Variants in PRKG1 observed in about 807,000 individuals in gnomAD.
PRKG1 encodes the protein protein kinase cGMP-dependent 1, also known as cGMP-dependent protein kinase 1.
In PRKG1, 35 loss-of-function variants were observed where a neutral mutation model predicts 88.1. The ratio of observed to expected loss-of-function variants is 0.40; its 90% CI spans 0.30 to 0.53. The LOEUF (loss-of-function observed/expected upper bound fraction) is 0.53, where lower values mean the gene tolerates loss of function less well. Among genes scored for constraint, PRKG1 ranks in the 20% least tolerant of loss-of-function variants. PRKG1 has a pLI of 0.59. For synonymous variants in PRKG1, 303 were observed against 292.5 expected, an observed-to-expected ratio of 1.04 and a Z score of -0.37; for missense variants, 540 against 839.8, an observed-to-expected ratio of 0.64 and a Z score of 4.41.
At chr10:51,138,892 C>T (rs898809212) in intron 1 of PRKG1, among the ~76,000 whole-genome samples, 9 of 151,594 alleles carry the variant, frequency 5.9e-5, no homozygotes, top group African/African-American at 1.7e-4. Context: ...CCATGTTGGC[C>T]AGGATGGTCT....
At chr10:51,765,570 G>A (rs1302971907) in intron 3 of PRKG1, among the ~76,000 whole-genome samples, 2 of 152,144 alleles carry the variant, frequency 1.3e-5, no homozygotes, top group East Asian at 1.9e-4. Context: ...GCTTGGCACT[G>A]AGCCTGGTAC....
intron 2 of PRKG1, among the ~76,000 whole-genome samples, chr10:51,390,052 C>G (rs866585231): frequency 5.3e-5 from 8 of 152,194 alleles, no homozygotes; most frequent in African/African-American, 1.9e-4. Flanking sequence ...GCTTGGTAAG[C>G]AGGAATGTTT....
intron 2 of PRKG1, among the ~76,000 whole-genome samples, chr10:51,214,232 G>A (rs1222083294): frequency 6.6e-6 from 1 of 152,014 alleles, no homozygotes; most frequent in Non-Finnish European, 1.5e-5. Context: ...TTCCTTAATA[G>A]CCTCTTTAAA....
chr10:52,059,435 TG>T (rs1214625750), intron 6 of PRKG1, among the ~76,000 whole-genome samples: 1 of 5,384 alleles, frequency 1.9e-4, no homozygotes, highest in Non-Finnish European at 0.014. Flanking sequence ...ATTCATTCAA[TG>T]AAAATATTAG....
chr10:51,018,214 T>C (rs1373960002), intron 1 of PRKG1, among the ~76,000 whole-genome samples: 4 of 152,328 alleles, frequency 2.6e-5, no homozygotes, highest in East Asian at 3.9e-4. Context: ...TTATTTCCCC[T>C]TTATTGCTGA....
At chr10:51,841,045 C>T (rs1840262689) in intron 4 of PRKG1, among the ~76,000 whole-genome samples, 1 of 152,164 alleles carries the variant, frequency 6.6e-6, no homozygotes, top group Non-Finnish European at 1.5e-5. Flanking sequence ...ATTTCGTTTT[C>T]TTGTCATATA....
chr10:52,106,407 A>C (rs558192358), intron 7 of PRKG1, among the ~76,000 whole-genome samples: 1 of 152,154 alleles, frequency 6.6e-6, no homozygotes, highest in African/African-American at 2.4e-5. Flanking sequence ...ATTTTTACGT[A>C]CTACCTCTGG....
chr10:52,027,777 C>T (rs1434432969), intron 5 of PRKG1, among the ~76,000 whole-genome samples: 1 of 150,660 alleles, frequency 6.6e-6, no homozygotes, highest in Non-Finnish European at 1.5e-5. Context: ...GCTGTTCTAT[C>T]TTTATTATTA....
intron 5 of PRKG1, among the ~76,000 whole-genome samples, chr10:52,053,430 A>G (rs1357222274): frequency 6.6e-6 from 1 of 152,160 alleles, no homozygotes; most frequent in African/African-American, 2.4e-5. Context: ...CATAAGGACA[A>G]ATAACAACCA....
chr10:52,215,802 A>G lies in PRKG1; in HGVS notation c.1077-35768A>G, dbSNP rs558468295. Among the ~76,000 whole-genome samples the G allele has an allele frequency of 1.4e-3, 208 of 152,308 alleles. 2 individuals are homozygous for G. The highest frequency in any genetic ancestry group is 1.9e-3 in the Admixed American group (29 of 15,302). ...ATATAACTGACAAGAGGTAGATGAT[A>G]AGGTAGATATTTACTAGTTGTGCTC... is the stretch of plus-strand genomic sequence containing the variant. On this transcript the variant is annotated intron_variant, in intron 9 of 17. Transcript: ENST00000373980.
intron 9 of PRKG1, among the ~76,000 whole-genome samples, chr10:52,207,564 C>G (rs929536211): frequency 6.6e-6 from 1 of 152,108 alleles, no homozygotes; most frequent in Non-Finnish European, 1.5e-5. Flanking sequence ...TGGCTGTGCT[C>G]CACAGCAGCC....
chr10:52,080,125 C>T (rs1427018095), intron 7 of PRKG1, among the ~76,000 whole-genome samples: 1 of 152,160 alleles, frequency 6.6e-6, no homozygotes, highest in Non-Finnish European at 1.5e-5. Context: ...AACCTAAATT[C>T]TCAAGAAATA....
rs117753518 is a variant in PRKG1 at position 51,434,270 on chromosome 10, T to C, written c.479-33453T>C. Among the ~76,000 whole-genome samples the C allele has an allele frequency of 9.8e-3, 1,496 of 152,236 alleles. 32 individuals carry two copies. Among genetic ancestry groups the C allele is most frequent in the South Asian group, 0.046 (221 of 4,824 alleles). ...TTAATCTCTCTGCTGCCCAGTCTAG[T>C]CTGCTGCCATCAGTTACTGTATCTG... On this transcript the variant is annotated intron_variant, in intron 2 of 17. Transcript: ENST00000373980.
intron 2 of PRKG1, among the ~76,000 whole-genome samples, chr10:51,251,795 T>C (rs1408774089): frequency 6.6e-6 from 1 of 151,758 alleles, no homozygotes; most frequent in Non-Finnish European, 1.5e-5. Context: ...TCAAAATGTG[T>C]ACGGAAGTTT....
chr10:51,969,835 T>C (rs1843660368), intron 5 of PRKG1, among the ~76,000 whole-genome samples: 1 of 152,050 alleles, frequency 6.6e-6, no homozygotes, highest in Non-Finnish European at 1.5e-5. Flanking sequence ...ATTAGCACCA[T>C]TTCTTTTTTC....
In PRKG1 at chr10:51,693,183, G is replaced by A. The variant is rs552371751; in HGVS notation, c.593-111402G>A. 4.0e-5 allele frequency among the ~76,000 whole-genome samples: 6 copies of A among 150,838 alleles called. No homozygotes were observed. The East Asian group carries it at 1.2e-3, about 30-fold the overall frequency. On this transcript the variant is annotated intron_variant, in intron 3 of 17. Transcript: ENST00000373980. The stretch of plus-strand genomic sequence containing the variant: ...CACGCCTGTAATCACAGCTACTTGA[G>A]AGGATGAGGCAGGGAAATCACTTAA...
chr10:51,232,390 C>G (rs1266425897), intron 2 of PRKG1, among the ~76,000 whole-genome samples: 1 of 152,120 alleles, frequency 6.6e-6, no homozygotes, highest in African/African-American at 2.4e-5. Flanking sequence ...ACTGAAGGAG[C>G]AGCTGTTTGC....
At chr10:51,881,679 T>C (rs1240318811) in intron 4 of PRKG1, among the ~76,000 whole-genome samples, 1 of 152,092 alleles carries the variant, frequency 6.6e-6, no homozygotes, top group Non-Finnish European at 1.5e-5. Context: ...TTTTTAGGAG[T>C]TGTGCTAAGC....
At chr10:52,021,465 A>T (rs1845182878) in intron 5 of PRKG1, among the ~76,000 whole-genome samples, 1 of 152,202 alleles carries the variant, frequency 6.6e-6, no homozygotes, top group Non-Finnish European at 1.5e-5. Flanking sequence ...TAAAGACAGT[A>T]AGAAATAAGG....
Sources: allele counts gnomAD v4.1 joint callset (sites outside exome capture counted in the v4.1 genomes callset), GRCh38; gene constraint gnomAD v4.1.1; transcripts MANE v1.5; gene names NCBI Gene and HGNC (gene_info 2026-07-23, HGNC 2026-07-21).